Variants in NOS1 observed in about 807,000 individuals in gnomAD.
NOS1 encodes nitric oxide synthase 1.
NOS1 carries 51 observed loss-of-function variants against 164.5 expected under a neutral mutation model. The ratio of observed to expected loss-of-function variants is 0.31; its 90% CI spans 0.25 to 0.39. The LOEUF (loss-of-function observed/expected upper bound fraction) is 0.39, where lower values mean the gene tolerates loss of function less well. NOS1 is among the 10% of genes least tolerant of loss of function. The pLI is 1.00. For synonymous variants in NOS1, 719 were observed against 745.8 expected (o/e 0.96, Z 0.59); for missense variants, 1,362 against 1,885.6 (o/e 0.72, Z 5.14).
intron 20 of NOS1, among the ~76,000 whole-genome samples, chr12:117,239,025 A>G (rs1002889461): frequency 1.3e-5 from 2 of 152,156 alleles, no homozygotes; most frequent in Non-Finnish European, 2.9e-5. Context: ...TGGGTCTGAG[A>G]TGTAGTTGAA....
At chr12:117,224,068 C>T (rs1868425018) in intron 25 of NOS1, among the ~76,000 whole-genome samples, 1 of 152,196 alleles carries the variant, frequency 6.6e-6, no homozygotes, top group South Asian at 2.1e-4. Context: ...CTGGCAAGTA[C>T]TTTATAAATG....
At chr12:117,250,238 T>A (rs1307736445) in intron 17 of NOS1, among the ~76,000 whole-genome samples, 3 of 152,106 alleles carry the variant, frequency 2.0e-5, no homozygotes, top group Non-Finnish European at 4.4e-5. Flanking sequence ...TAACATTTCA[T>A]CTTCCTCTTC....
At chr12:117,319,744 G>GC (rs1306678301) in intron 2 of NOS1, among the ~76,000 whole-genome samples, 2 of 152,216 alleles carry the variant, frequency 1.3e-5, no homozygotes, top group Non-Finnish European at 2.9e-5. Context: ...AACCTTGTTT[G>GC]CAACCCTTGC....
intron 1 of NOS1, among the ~76,000 whole-genome samples, chr12:117,340,387 A>G (rs1876040710): frequency 6.6e-6 from 1 of 152,194 alleles, no homozygotes; most frequent in Admixed American, 6.6e-5. Flanking sequence ...CTGATTCTCT[A>G]CTTGGCTTTG....
At position 117,213,043 on chromosome 12, in the gene NOS1, A is replaced by G. The variant is rs765406580; in HGVS notation, c.*2266T>C. 1.9e-5 allele frequency: 19 copies of G among 985,484 alleles called. No homozygotes were observed. Among genetic ancestry groups the G allele is most frequent in the Non-Finnish European group, 2.3e-5 (19 of 829,938 alleles). The allele number at this position is 985,484 out of a possible 1,614,324, so 61.0% of individuals were successfully genotyped here. A position where few individuals can be genotyped will look rare whatever the true frequency, so the allele number is the denominator to read the frequency against. On this transcript the variant is annotated 3_prime_UTR_variant, in exon 29 of 29. Coordinates refer to ENST00000317775, the MANE Select transcript of NOS1 (RefSeq NM_000620.5). The stretch of plus-strand genomic sequence containing the variant: ...TCTTTGGACTCCTTGACAAAATGAG[A>G]CAATGTTTCCATCTGTCTGCTACTA...
intron 2 of NOS1, among the ~76,000 whole-genome samples, chr12:117,329,862 G>C (rs1275713709): frequency 6.6e-6 from 1 of 152,132 alleles, no homozygotes; most frequent in Non-Finnish European, 1.5e-5. Context: ...GCTGATTTAA[G>C]CTAAGGGTTG....
rs990582146 is a variant in NOS1 at position 117,213,910 on chromosome 12, G to C, written c.*1399C>G. On this transcript the variant is annotated 3_prime_UTR_variant, in exon 29 of 29. Transcript: ENST00000317775. The stretch of plus-strand genomic sequence containing the variant: ...TAAATTCAACAGGTTGCCTCTTAGG[G>C]AGGAATTACACCGGCTCCAATTCCT... The C allele has an allele frequency of 4.1e-6, 4 of 985,292 alleles. No individual in the cohort carries two copies. The African/African-American group carries it at 7.0e-5, about 17-fold the overall frequency. 61.0% of individuals were successfully genotyped at this position (985,292 alleles called of 1,614,324 possible).
chr12:117,232,736 C>T (rs1869349689), intron 21 of NOS1, among the ~76,000 whole-genome samples: 1 of 152,112 alleles, frequency 6.6e-6, no homozygotes, highest in Non-Finnish European at 1.5e-5. Context: ...ATATTGTACC[C>T]CCTCTATACA....
At chr12:117,246,435 C>T (rs1370482335) in intron 18 of NOS1, among the ~76,000 whole-genome samples, 1 of 152,160 alleles carries the variant, frequency 6.6e-6, no homozygotes, top group Non-Finnish European at 1.5e-5. Context: ...CATGTCCAGC[C>T]TTATTTAATT....
Position 117,208,435 on chromosome 12 carries a change from C to G in NOS1, c.*6874G>C, listed in dbSNP as rs1956475741. ...GTGTGTGTGTGTGGTGAGATGCGAC[C>G]AGGTCTGCCCACCTCCCCAGCTTCC... On this transcript the variant is annotated 3_prime_UTR_variant, in exon 29 of 29. Coordinates refer to ENST00000317775, the MANE Select transcript of NOS1 (RefSeq NM_000620.5). The G allele has an allele frequency of 2.0e-6, 2 of 1,011,972 alleles. No homozygotes were observed. Among genetic ancestry groups the G allele is most frequent in the Admixed American group, 5.5e-5 (1 of 18,038 alleles). 62.7% of individuals were successfully genotyped at this position (1,011,972 alleles called of 1,614,324 possible). A position where few individuals can be genotyped will look rare whatever the true frequency, so the allele number is the denominator to read the frequency against.
intron 1 of NOS1, among the ~76,000 whole-genome samples, chr12:117,332,062 G>T (rs1889823650): frequency 6.6e-6 from 1 of 152,150 alleles, no homozygotes. Flanking sequence ...GATAGGCTTA[G>T]TCACACTACA....
At chr12:117,242,833 T>C in intron 19 of NOS1, 128 bp from the exon 20 acceptor site, 1 of 771,712 alleles carries the variant, frequency 1.3e-6, no homozygotes, top group Non-Finnish European at 2.2e-6. Context: ...GGAGGATCAC[T>C]TGAGGCCAGG....
Position 117,243,312 on chromosome 12 carries a change from G to C in NOS1, c.2947C>G (p.Pro983Ala), listed in dbSNP as rs1320700177. The C allele has an allele frequency of 1.4e-5, 22 of 1,614,016 alleles. No individual in the cohort carries two copies. Among genetic ancestry groups the C allele is most frequent in the Non-Finnish European group, 1.7e-5 (20 of 1,180,026 alleles). Residue 983 changes from proline to alanine, a missense_variant, in exon 19 of 29, where the codon CCA becomes GCA. Physicochemically the swap from Pro to Ala is conservative, Grantham distance 27. Around this residue, in one of 4 missense-constraint regions of NOS1, gnomAD observed 737 missense variants for 1,030.3 expected, o/e 0.72. Coordinates refer to ENST00000317775, the MANE Select transcript of NOS1 (RefSeq NM_000620.5). This position sits in a 1 kb window ranked among gnomAD's most constrained non-coding sequence, Gnocchi z 4.3. ...KFRLTFVAEA[P>A]ELTQGLSNVH... ...TGGGAGGTACCTTGTGTGAGTTCTG[G>C]AGCTTCGGCCACAAAGGTGAGGCGG...
intron 1 of NOS1, among the ~76,000 whole-genome samples, chr12:117,338,441 A>G (rs1875943370): frequency 7.8e-6 from 1 of 128,182 alleles, no homozygotes; most frequent in South Asian, 2.8e-4. Flanking sequence ...GGACACAGGA[A>G]GGGGAACATC....
At chr12:117,310,850 C>T (rs1192218686) in intron 3 of NOS1, among the ~76,000 whole-genome samples, 5 of 151,960 alleles carry the variant, frequency 3.3e-5, no homozygotes, top group East Asian at 1.9e-4. Flanking sequence ...GATAGGGTCT[C>T]GCTATGTAGC....
At chr12:117,310,707 A>AT (rs1225812478) in intron 3 of NOS1, among the ~76,000 whole-genome samples, 2 of 151,904 alleles carry the variant, frequency 1.3e-5, no homozygotes, top group Non-Finnish European at 2.9e-5. Context: ...CAGAGGTGCT[A>AT]TATCACAGCT....
chr12:117,260,034 G>T (rs563968118), intron 14 of NOS1, among the ~76,000 whole-genome samples: 4 of 151,516 alleles, frequency 2.6e-5, no homozygotes, highest in Non-Finnish European at 5.9e-5. Flanking sequence ...CAGAAGAATG[G>T]CGTGAACCCG....
chr12:117,311,322 G>T, intron 3 of NOS1, 144 bp downstream of exon 3: 1 of 908,522 alleles, frequency 1.1e-6, no homozygotes, highest in Non-Finnish European at 1.6e-6. Flanking sequence ...TCCTGACCTC[G>T]GCCTCCCAAG....
chr12:117,313,316 A>T (rs1874522802), intron 2 of NOS1, among the ~76,000 whole-genome samples: 1 of 152,068 alleles, frequency 6.6e-6, no homozygotes, highest in South Asian at 2.1e-4. Flanking sequence ...CTTTTTTTGG[A>T]GACAGTCTCG....
Sources: allele counts gnomAD v4.1 joint callset (sites outside exome capture counted in the v4.1 genomes callset), GRCh38; gene constraint gnomAD v4.1.1; regional missense constraint gnomAD v4.1.1; non-coding constraint Gnocchi (gnomAD v3.1); transcripts MANE v1.5; gene names NCBI Gene and HGNC (gene_info 2026-07-23, HGNC 2026-07-21).